REPS1: variants seen among roughly 807,000 people sequenced by gnomAD.
REPS1 encodes ralBP1-associated Eps domain-containing protein 1.
REPS1 carries 39 observed loss-of-function variants against 100.9 expected under a neutral mutation model. The ratio of observed to expected loss-of-function variants is 0.39; its 90% CI spans 0.30 to 0.50. The LOEUF is 0.50. REPS1 is among the 20% of genes least tolerant of loss of function. The pLI is 0.86. For missense variants in REPS1, 821 were observed against 968.5 expected (o/e 0.85, Z 2.02); for synonymous variants, 324 against 340.3 (o/e 0.95, Z 0.53).
Position 138,987,787 on chromosome 6 carries a change from C to G in REPS1, c.-105G>C. ...TGCGCGTGGCCCGGCCTCCTGCTAGCTTCCCGAAAACGCCGGCCCCGGCCT... is the reference window on the plus strand; with the variant it reads ...TGCGCGTGGCCCGGCCTCCTGCTAGGTTCCCGAAAACGCCGGCCCCGGCCT... On this transcript the variant is annotated 5_prime_UTR_variant, in exon 1 of 20. Transcript: ENST00000450536. 7.4e-7 allele frequency: 1 copy of G among 1,350,562 alleles called. No individual in the cohort carries two copies. The highest frequency in any genetic ancestry group is 3.0e-5 in the East Asian group (1 of 33,386). The allele number at this position is 1,350,562 out of a possible 1,614,324, so 83.7% of individuals were successfully genotyped here.
intron 8 of REPS1, 92 bp downstream of exon 8, chr6:138,941,243 C>T: frequency 1.5e-6 from 2 of 1,356,530 alleles, no homozygotes; most frequent in Non-Finnish European, 2.1e-6. Flanking sequence ...AGCTATTAAG[C>T]TAAGGTTAAC....
chr6:138,903,676 A>G lies in REPS1; in HGVS notation c.*1388T>C, dbSNP rs918459934. 11 of 152,206 alleles carry G rather than the reference A, an allele frequency of 7.2e-5. No individual in the cohort carries two copies. Among genetic ancestry groups the G allele is most frequent in the African/African-American group, 2.7e-4 (11 of 41,458 alleles). 9.4% of individuals were successfully genotyped at this position (152,206 alleles called of 1,614,324 possible). A position where few individuals can be genotyped will look rare whatever the true frequency, so the allele number is the denominator to read the frequency against. On this transcript the variant is annotated 3_prime_UTR_variant, in exon 20 of 20. Coordinates refer to ENST00000450536, the MANE Select transcript of REPS1 (RefSeq NM_001286611.2). ...AGCTGAGTAAAAATGTTTCTTTGAA[A>G]ACAAAGACACTCAGAAAAACAGGTG...
In REPS1 at chr6:138,921,037, C is replaced by A. The variant is rs758462074; in HGVS notation, c.1426G>T (p.Asp476Tyr). The change falls in exon 11 of 20, where the codon GAT (aspartate) becomes TAT (tyrosine). Residue 476 changes from aspartate (D) to tyrosine (Y), a missense_variant and splice_region_variant. Asp to Tyr is a radical substitution (Grantham distance 160). Coordinates refer to ENST00000450536, the MANE Select transcript of REPS1 (RefSeq NM_001286611.2). ...QEMELKRTGS[D>Y]HTNPTSPLLV... is the part of the protein sequence containing the mutation. ...TACAAACCAGCAACAGCTTCCTTAC[C>A]GCTGCCAGTTCTTTTAAGTTCCATT... is the stretch of plus-strand genomic sequence containing the variant. 1.9e-6 allele frequency: 3 copies of A among 1,607,534 alleles called. No individual in the cohort carries two copies. Among genetic ancestry groups the A allele is most frequent in the Admixed American group, 3.4e-5 (2 of 59,684 alleles).
Position 138,908,668 on chromosome 6 carries a change from C to T in REPS1, c.2216G>A (p.Arg739Lys). Residue 739 changes from arginine (R) to lysine (K), a missense_variant and splice_region_variant, in exon 18 of 20, where the codon AGA becomes AAA. Coordinates refer to ENST00000450536, the MANE Select transcript of REPS1 (RefSeq NM_001286611.2). ...AVLASQPSIP[R>K]SVGKDKKAIQ... Reference sequence around the variant, plus strand: ...TGTGTCTAGGAATAGCTTTGATTACCTGGGAATAGAAGGTTGTGATGCAAG... The same window carrying T: ...TGTGTCTAGGAATAGCTTTGATTACTTGGGAATAGAAGGTTGTGATGCAAG... 1 of 1,613,962 alleles carries T rather than the reference C, an allele frequency of 6.2e-7. No homozygotes were observed. Among genetic ancestry groups the T allele is most frequent in the Non-Finnish European group, 8.5e-7 (1 of 1,179,932 alleles).
intron 1 of REPS1, among the ~76,000 whole-genome samples, chr6:138,971,129 CA>C (rs1784320016): frequency 6.6e-6 from 1 of 152,150 alleles, no homozygotes; most frequent in Non-Finnish European, 1.5e-5. Flanking sequence ...TCTCAGGGTT[CA>C]AAACTGTGGG....
intron 1 of REPS1, among the ~76,000 whole-genome samples, chr6:138,956,426 C>G (rs1044538446): frequency 6.6e-6 from 1 of 151,964 alleles, no homozygotes; most frequent in Non-Finnish European, 1.5e-5. Flanking sequence ...CCCATCTCCA[C>G]TGCTGCTCAC....
At chr6:138,943,787 C>G (rs1426832088) in intron 6 of REPS1, 66 bp downstream of exon 6, 2 of 1,357,476 alleles carry the variant, frequency 1.5e-6, no homozygotes, top group African/African-American at 2.9e-5. Flanking sequence ...AAAACAATGT[C>G]TTTGATATTA....
intron 19 of REPS1, among the ~76,000 whole-genome samples, 156 bp from the exon 20 acceptor site, chr6:138,905,288 T>TAGTTTCTTTTTTTTG (rs1779558357): frequency 6.6e-6 from 1 of 152,248 alleles, no homozygotes; most frequent in African/African-American, 2.4e-5. Flanking sequence ...TTTAGAAATG[T>TAGTTTCTTTTTTTTG]AGTTTCTTTT....
intron 1 of REPS1, among the ~76,000 whole-genome samples, chr6:138,970,658 C>G (rs574192578): frequency 1.3e-5 from 2 of 152,208 alleles, no homozygotes; most frequent in African/African-American, 4.8e-5. Flanking sequence ...GTGGTGCACA[C>G]CTGTAGTCCC....
In REPS1 at chr6:138,944,542, G is replaced by A; in HGVS notation, c.709C>T (p.Pro237Ser). 1.2e-6 allele frequency: 2 copies of A among 1,614,052 alleles called. No homozygotes were observed. Among genetic ancestry groups the A allele is most frequent in the South Asian group, 2.2e-5 (2 of 91,078 alleles). ...QENWVSFADT[P>S]PTSTLLTMHP... Reference sequence around the variant, plus strand: ...ATGGTTAAAAGAGTACTGGTTGGTGGAGTATCTGCAAAACTGACCCAGTTT... The same window carrying A: ...ATGGTTAAAAGAGTACTGGTTGGTGAAGTATCTGCAAAACTGACCCAGTTT... The change falls in exon 5 of 20, where the codon CCA (proline) becomes TCA (serine). Residue 237 changes from proline (P) to serine (S), a missense_variant. Around this residue, in one of 3 missense-constraint regions of REPS1, gnomAD observed 757 missense variants for 866.4 expected, o/e 0.87. Coordinates refer to ENST00000450536, the MANE Select transcript of REPS1 (RefSeq NM_001286611.2).
chr6:138,931,463 C>A (rs1175792117), intron 8 of REPS1, among the ~76,000 whole-genome samples: 1 of 152,064 alleles, frequency 6.6e-6, no homozygotes, highest in African/African-American at 2.4e-5. Flanking sequence ...TTGTTACATG[C>A]CTCCCTCAAA....
chr6:138,963,914 C>T (rs1002010585), intron 1 of REPS1, among the ~76,000 whole-genome samples: 3 of 152,164 alleles, frequency 2.0e-5, no homozygotes, highest in Non-Finnish European at 4.4e-5. Context: ...GTATATATTC[C>T]TCAATGACTC....
Position 138,941,332 on chromosome 6 carries a change from T to C in REPS1, c.1135+3A>G, listed in dbSNP as rs892453456. The stretch of plus-strand genomic sequence containing the variant: ...AACAGCTCTCTTCAGCTCCCAATCT[T>C]ACCTGCTGAATCTTCCAAATCAATC... On this transcript the variant is annotated splice_donor_region_variant and intron_variant, in intron 8 of 19. Transcript: ENST00000450536. 17 of 1,613,774 alleles carry C rather than the reference T, an allele frequency of 1.1e-5. 1 individual carries two copies. In the South Asian group the frequency reaches 1.5e-4, roughly 15 times the overall value.
At chr6:138,941,722 T>C (rs1782263622) in intron 7 of REPS1, among the ~76,000 whole-genome samples, 1 of 152,160 alleles carries the variant, frequency 6.6e-6, no homozygotes, top group Non-Finnish European at 1.5e-5. Context: ...TCCTGTGTGT[T>C]TGAAATTCTC....
At chr6:138,966,605 T>A (rs553836665) in intron 1 of REPS1, among the ~76,000 whole-genome samples, 1 of 152,210 alleles carries the variant, frequency 6.6e-6, no homozygotes, top group Non-Finnish European at 1.5e-5. Flanking sequence ...TTGAAACCCA[T>A]GCTCTTTGTC....
chr6:138,924,246 G>A (rs1238063416), intron 10 of REPS1, among the ~76,000 whole-genome samples: 2 of 152,226 alleles, frequency 1.3e-5, no homozygotes, highest in Non-Finnish European at 2.9e-5. Context: ...ATTTAAGAAT[G>A]ACAATTTTTT....
At position 138,921,138 on chromosome 6, in the gene REPS1, G is replaced by A; in HGVS notation, c.1339-14C>T. 2 of 1,518,124 alleles carry A rather than the reference G, an allele frequency of 1.3e-6. No individual in the cohort carries two copies. Among genetic ancestry groups the A allele is most frequent in the Non-Finnish European group, 1.8e-6 (2 of 1,104,012 alleles). 94.0% of individuals were successfully genotyped at this position (1,518,124 alleles called of 1,614,324 possible). On this transcript the variant is annotated splice_polypyrimidine_tract_variant and intron_variant, in intron 10 of 19. Transcript: ENST00000450536. ...AATAGCAGTATCCTAGAGACAAATG[G>A]GAGGAAATAAAGAATTTGTATTAAA...
At chr6:138,979,201 A>C (rs1440274096) in intron 1 of REPS1, among the ~76,000 whole-genome samples, 9 of 149,646 alleles carry the variant, frequency 6.0e-5, no homozygotes, top group African/African-American at 1.7e-4. Flanking sequence ...AAAAAAACAA[A>C]AAAAAAAAAC....
At chr6:138,987,430 AG>A in intron 1 of REPS1, 99 bp downstream of exon 1, 1 of 1,258,078 alleles carries the variant, frequency 7.9e-7, no homozygotes, top group Admixed American at 3.1e-5. Context: ...CCGAGGAACC[AG>A]CCCCCCGCCG....
Sources: allele counts gnomAD v4.1 joint callset (sites outside exome capture counted in the v4.1 genomes callset), GRCh38; gene constraint gnomAD v4.1.1; regional missense constraint gnomAD v4.1.1; transcripts MANE v1.5; gene names NCBI Gene and HGNC (gene_info 2026-07-23, HGNC 2026-07-21).